Variants in SPMIP4 observed in about 807,000 individuals in gnomAD.
SPMIP4 encodes the protein sperm-associated microtubule inner protein 4.
chr7:25,127,462 T>C, the SPMIP4 span, among the ~76,000 whole-genome samples: 1 of 152,356 alleles, frequency 6.6e-6, no homozygotes, highest in Admixed American at 6.5e-5. Context: ...GTTTGATCAA[T>C]TCTGCCTGTA....
chr7:25,173,128 A>G, the SPMIP4 span, among the ~76,000 whole-genome samples: 2 of 151,810 alleles, frequency 1.3e-5, no homozygotes, highest in African/African-American at 4.8e-5. This position sits in a 1 kb window ranked among gnomAD's most constrained non-coding sequence, Gnocchi z 4.4. Context: ...AGAGACAGGA[A>G]GAGAGAGAGA....
the SPMIP4 span, chr7:25,136,498 G>A: frequency 1.2e-6 from 2 of 1,614,082 alleles, no homozygotes; most frequent in Non-Finnish European, 1.7e-6. The surrounding 1 kb of genome is among the most constrained non-coding windows in gnomAD (Gnocchi z 5.7). Flanking sequence ...GTCTTTTGTT[G>A]GGTAACAAGA....
At chr7:25,129,618 T>C in the SPMIP4 span, among the ~76,000 whole-genome samples, 1 of 152,154 alleles carries the variant, frequency 6.6e-6, no homozygotes, top group Non-Finnish European at 1.5e-5. Flanking sequence ...TGATTTTTGG[T>C]TCTTATGAAG....
the SPMIP4 span, among the ~76,000 whole-genome samples, chr7:25,157,597 T>G: frequency 2.6e-5 from 4 of 152,158 alleles, no homozygotes; most frequent in Admixed American, 2.6e-4. Context: ...ATAAGAAAAA[T>G]GTCAGTCAAA....
the SPMIP4 span, among the ~76,000 whole-genome samples, chr7:25,139,987 T>C: frequency 1.3e-5 from 2 of 152,226 alleles, no homozygotes; most frequent in South Asian, 2.1e-4. Flanking sequence ...GTTGATTTGC[T>C]TGCACAATGA....
the SPMIP4 span, chr7:25,154,959 G>A: frequency 6.6e-7 from 1 of 1,506,780 alleles, no homozygotes; most frequent in South Asian, 1.2e-5. Context: ...TATTATTGAA[G>A]AAATCCCAAT....
At chr7:25,168,686 T>A in the SPMIP4 span, among the ~76,000 whole-genome samples, 1 of 152,170 alleles carries the variant, frequency 6.6e-6, no homozygotes, top group East Asian at 1.9e-4. Flanking sequence ...CAGATTATCC[T>A]TTTTTTGGTC....
the SPMIP4 span, among the ~76,000 whole-genome samples, chr7:25,141,334 G>C: frequency 6.6e-6 from 1 of 152,138 alleles, no homozygotes; most frequent in South Asian, 2.1e-4. Context: ...AGCACTTTGG[G>C]AGGCCGAGGC....
At chr7:25,147,056 G>A in the SPMIP4 span, among the ~76,000 whole-genome samples, 2 of 152,200 alleles carry the variant, frequency 1.3e-5, no homozygotes, top group Admixed American at 1.3e-4. Context: ...AGCACTTTGG[G>A]AGGCCGAGGA....
the SPMIP4 span, among the ~76,000 whole-genome samples, chr7:25,141,873 G>A: frequency 6.6e-6 from 1 of 152,082 alleles, no homozygotes; most frequent in African/African-American, 2.4e-5. Context: ...GAGCAGCTGG[G>A]AGTAGAGGCG....
chr7:25,148,035 G>C, the SPMIP4 span, among the ~76,000 whole-genome samples: 2 of 152,144 alleles, frequency 1.3e-5, no homozygotes, highest in African/African-American at 4.8e-5. Flanking sequence ...ACACATTTTT[G>C]GACCTGCTTA....
the SPMIP4 span, among the ~76,000 whole-genome samples, chr7:25,152,388 G>C: frequency 6.6e-6 from 1 of 152,192 alleles, no homozygotes; most frequent in African/African-American, 2.4e-5. Context: ...TCAAGTTAAA[G>C]AATGTTCTGA....
At chr7:25,179,301 A>G in the SPMIP4 span, 5 of 1,608,962 alleles carry the variant, frequency 3.1e-6, no homozygotes, top group Admixed American at 6.8e-5. Context: ...GCCGTGAATG[A>G]CTTCCATGCT....
the SPMIP4 span, among the ~76,000 whole-genome samples, chr7:25,146,164 T>C: frequency 4.0e-5 from 6 of 151,584 alleles, no homozygotes; most frequent in Admixed American, 2.6e-4. Flanking sequence ...GAGAGAGAGA[T>C]GGAGAGAGGG....
At chr7:25,174,561 T>A in the SPMIP4 span, among the ~76,000 whole-genome samples, 1 of 152,228 alleles carries the variant, frequency 6.6e-6, no homozygotes, top group South Asian at 2.1e-4. The surrounding 1 kb of genome is among the most constrained non-coding windows in gnomAD (Gnocchi z 4.5). Flanking sequence ...CCCGCATTTT[T>A]AGTTGGCAGA....
chr7:25,135,180 G>A, the SPMIP4 span: 3 of 442,410 alleles, frequency 6.8e-6, no homozygotes, highest in Admixed American at 1.3e-4. Context: ...TGAAGATTTG[G>A]GGCTCTGTAA....
the SPMIP4 span, among the ~76,000 whole-genome samples, chr7:25,143,980 G>C: frequency 6.6e-6 from 1 of 152,216 alleles, no homozygotes; most frequent in Non-Finnish European, 1.5e-5. Context: ...AACAGGGAGG[G>C]AGGGTGAAGA....
At chr7:25,170,394 T>G in the SPMIP4 span, among the ~76,000 whole-genome samples, 1 of 152,258 alleles carries the variant, frequency 6.6e-6, no homozygotes, top group Non-Finnish European at 1.5e-5. Context: ...TGTCTTATTT[T>G]TGCGTTACAA....
At chr7:25,145,750 C>T in the SPMIP4 span, among the ~76,000 whole-genome samples, 1 of 152,170 alleles carries the variant, frequency 6.6e-6, no homozygotes, top group African/African-American at 2.4e-5. Flanking sequence ...CCCAGCATAG[C>T]TCATATAATA....
Sources: gnomAD v4.1 joint callset for allele counts (sites outside exome capture counted in the v4.1 genomes callset) on GRCh38, gnomAD v4.1.1 for gene constraint, Gnocchi (gnomAD v3.1) non-coding constraint, MANE v1.5 for transcripts, NCBI Gene and HGNC (gene_info 2026-07-23, HGNC 2026-07-21) for gene names.